MROH9: variants seen among roughly 807,000 people sequenced by gnomAD.
MROH9 encodes the protein maestro heat-like repeat-containing protein family member 9.
MROH9 carries 92 observed loss-of-function variants against 98.2 expected under a neutral mutation model. The observed-to-expected ratio is 0.94, with a 90% CI of 0.79 to 1.11. The LOEUF (loss-of-function observed/expected upper bound fraction) is 1.11. MROH9 is among the 50% of genes most tolerant of loss of function. The pLI is 0.00. For missense variants in MROH9, 1,057 were observed against 1,014.8 expected (o/e 1.04, Z -0.57); for synonymous variants, 397 against 368.9 (o/e 1.08, Z -0.87).
intron 1 of MROH9, among the ~76,000 whole-genome samples, chr1:170,938,077 A>G (rs2101858660): frequency 6.6e-6 from 1 of 152,336 alleles, no homozygotes; most frequent in Non-Finnish European, 1.5e-5. Flanking sequence ...ATTATGGAAT[A>G]GTAGCCCAAG....
intron 8 of MROH9, among the ~76,000 whole-genome samples, chr1:170,972,827 A>AT (rs1491482500): frequency 0.022 from 2,172 of 99,386 alleles, 85 homozygotes; most frequent in African/African-American, 0.072. Flanking sequence ...AAAAAAAAAA[A>AT]ATACACACAC....
chr1:170,945,946 G>A (rs1649315404), intron 2 of MROH9, among the ~76,000 whole-genome samples: 1 of 152,004 alleles, frequency 6.6e-6, no homozygotes, highest in Non-Finnish European at 1.5e-5. Context: ...ACAAAGTATT[G>A]ATAATACTAC....
chr1:171,061,308 T>C (rs941464107), intron 20 of MROH9, among the ~76,000 whole-genome samples: 9 of 152,276 alleles, frequency 5.9e-5, no homozygotes, highest in Admixed American at 3.3e-4. Context: ...GATAACTGTT[T>C]AGCAGTAACC....
intron 9 of MROH9, among the ~76,000 whole-genome samples, chr1:170,984,155 T>G (rs939306284): frequency 6.6e-6 from 1 of 152,140 alleles, no homozygotes; most frequent in Non-Finnish European, 1.5e-5. Context: ...GGTTGGGATT[T>G]CCAGCACCTT....
rs145863395 is a variant in MROH9, at chr1:170,990,192, T to C, written c.1028+189T>C. 2.5e-3 allele frequency among the ~76,000 whole-genome samples: 374 copies of C among 152,336 alleles called. 1 individual carries two copies. The highest frequency in any genetic ancestry group is 8.4e-3 in the African/African-American group (349 of 41,578). On this transcript the variant is annotated intron_variant, in intron 11 of 21. Coordinates refer to ENST00000367759, the MANE Select transcript of MROH9 (RefSeq NM_001163629.2). ...GATAAGATCATATGTGTTATGCATATCTTTGTATAATACCTAAAACACAAT... is the reference window on the plus strand; with the variant it reads ...GATAAGATCATATGTGTTATGCATACCTTTGTATAATACCTAAAACACAAT...
At chr1:171,049,108 G>T (rs972251205) in intron 20 of MROH9, among the ~76,000 whole-genome samples, 1 of 151,920 alleles carries the variant, frequency 6.6e-6, no homozygotes, top group Non-Finnish European at 1.5e-5. Flanking sequence ...TGTGTAGTCT[G>T]GGGTTAGGGG....
intron 20 of MROH9, among the ~76,000 whole-genome samples, chr1:171,061,036 T>C (rs1317174330): frequency 6.6e-6 from 1 of 152,152 alleles, no homozygotes; most frequent in East Asian, 1.9e-4. Flanking sequence ...AAGAAAAAGA[T>C]AACTCAATAT....
chr1:171,003,310 A>G (rs1282305559), intron 15 of MROH9, among the ~76,000 whole-genome samples: 1 of 152,154 alleles, frequency 6.6e-6, no homozygotes, highest in Non-Finnish European at 1.5e-5. Flanking sequence ...AGGGATGTCA[A>G]TGAACCTTGT....
intron 6 of MROH9, among the ~76,000 whole-genome samples, chr1:170,962,732 T>C (rs1316681248): frequency 1.3e-5 from 2 of 152,050 alleles, no homozygotes; most frequent in East Asian, 3.8e-4. Flanking sequence ...TTTGAGCTGT[T>C]TTTTTTAATT....
chr1:171,027,369 G>T (rs1232211160), intron 20 of MROH9, among the ~76,000 whole-genome samples: 1 of 152,074 alleles, frequency 6.6e-6, no homozygotes, highest in Non-Finnish European at 1.5e-5. Flanking sequence ...CCATGTCCCT[G>T]CAAAGAACAT....
chr1:170,996,440 G>A (rs1411042528), intron 13 of MROH9, 67 bp from the exon 14 acceptor site: 1 of 1,560,354 alleles, frequency 6.4e-7, no homozygotes, highest in Middle Eastern at 1.7e-4. Flanking sequence ...TAAAAGGCAG[G>A]TAATGTGTAT....
chr1:170,953,083 G>A (rs1024539158), intron 3 of MROH9, among the ~76,000 whole-genome samples: 1 of 152,010 alleles, frequency 6.6e-6, no homozygotes, highest in Non-Finnish European at 1.5e-5. Context: ...ATTTTGATTT[G>A]AAACACTGAA....
chr1:170,949,162 G>T (rs1453187258), intron 3 of MROH9, among the ~76,000 whole-genome samples: 2 of 152,020 alleles, frequency 1.3e-5, no homozygotes, highest in African/African-American at 2.4e-5. Flanking sequence ...ATTAGATGTA[G>T]GTTGCTCCCA....
intron 20 of MROH9, among the ~76,000 whole-genome samples, chr1:171,052,472 G>A (rs886460862): frequency 5.3e-5 from 8 of 152,162 alleles, no homozygotes; most frequent in Non-Finnish European, 1.0e-4. Flanking sequence ...GGCAGCCTAA[G>A]CTCCTAATCT....
Position 170,988,164 on chromosome 1 carries a change from G to A in MROH9, c.879+1454G>A, listed in dbSNP as rs556921659. ...AAAGTAAGGGTACCTTCTCAGCATG[G>A]AGCCCTGTGCAAACACATAGGTCAC... On this transcript the variant is annotated intron_variant, in intron 10 of 21. Coordinates refer to ENST00000367759, the MANE Select transcript of MROH9 (RefSeq NM_001163629.2). Among the ~76,000 whole-genome samples the A allele has an allele frequency of 2.0e-5, 3 of 152,280 alleles. No individual in the cohort carries two copies. In the South Asian group the frequency reaches 6.2e-4, roughly 32 times the overall value.
chr1:170,966,912 A>T (rs1650255739), intron 7 of MROH9, among the ~76,000 whole-genome samples: 1 of 152,166 alleles, frequency 6.6e-6, no homozygotes, highest in Non-Finnish European at 1.5e-5. Flanking sequence ...AATGTGTTAT[A>T]TATTCAGCAA....
chr1:170,976,121 CT>C (rs941685129), intron 8 of MROH9, among the ~76,000 whole-genome samples: 1 of 152,076 alleles, frequency 6.6e-6, no homozygotes, highest in African/African-American at 2.4e-5. Flanking sequence ...CACTCTGTGC[CT>C]TTTAATTGGA....
At chr1:171,032,413 T>C (rs897002789) in intron 20 of MROH9, among the ~76,000 whole-genome samples, 4 of 152,246 alleles carry the variant, frequency 2.6e-5, no homozygotes, top group African/African-American at 9.6e-5. Context: ...CTTCGTGAGT[T>C]TGTCTAGAGT....
chr1:170,940,235 C>A (rs1232125448), intron 1 of MROH9, among the ~76,000 whole-genome samples: 2 of 152,118 alleles, frequency 1.3e-5, no homozygotes, highest in Non-Finnish European at 2.9e-5. Flanking sequence ...ACTACTGGAC[C>A]CCTAGAAATT....
Sources: gnomAD v4.1 joint callset for allele counts (sites outside exome capture counted in the v4.1 genomes callset) on GRCh38, gnomAD v4.1.1 for gene constraint, MANE v1.5 for transcripts, NCBI Gene and HGNC (gene_info 2026-07-23, HGNC 2026-07-21) for gene names.